KIFC1: variants seen among roughly 807,000 people sequenced by gnomAD.
The protein encoded by KIFC1 is kinesin-like protein KIFC1.
KIFC1 carries 37 observed loss-of-function variants against 66.6 expected under a neutral mutation model. The observed-to-expected ratio is 0.56, with a 90% CI of 0.43 to 0.73. The LOEUF is 0.73. Among genes scored for constraint, KIFC1 ranks in the 30% least tolerant of loss-of-function variants. KIFC1 has a pLI of 0.00. For synonymous variants in KIFC1, 325 were observed against 343.5 expected, an observed-to-expected ratio of 0.95 and a Z score of 0.60; for missense variants, 721 against 859.8, an observed-to-expected ratio of 0.84 and a Z score of 2.02.
In KIFC1 at chr6:33,404,823, CTG is replaced by C. The variant is rs558657542; in HGVS notation, c.757-25_757-24del. 9.4e-5 allele frequency: 147 copies of C among 1,560,286 alleles called. 2 individuals carry two copies. In the South Asian group the frequency reaches 1.7e-3, roughly 18 times the overall value. The stretch of plus-strand genomic sequence containing the variant: ...CTTCTTCTTGGTTGCATCTTACCCT[CTG>C]TGTATGTTGTGTTCTCTTCTGGGCA... On this transcript the variant is annotated intron_variant, in intron 6 of 10. Transcript: ENST00000428849. The surrounding 1 kb of genome is among the most constrained non-coding windows in gnomAD (Gnocchi z 4.0).
Position 33,405,206 on chromosome 6 carries a change from G to C in KIFC1, c.1111G>C (p.Asp371His). 1 of 1,614,198 alleles carries C rather than the reference G, an allele frequency of 6.2e-7. No homozygotes were observed. Among genetic ancestry groups the C allele is most frequent in the Non-Finnish European group, 8.5e-7 (1 of 1,180,044 alleles). The change falls in exon 7 of 11, where the codon GAT becomes CAT. Residue 371 changes from aspartate (D) to histidine (H), a missense_variant. Physicochemically the swap from Asp to His is moderately conservative, Grantham distance 81. Coordinates refer to ENST00000428849, the MANE Select transcript of KIFC1 (RefSeq NM_002263.4). This position sits in a 1 kb window ranked among gnomAD's most constrained non-coding sequence, Gnocchi z 5.4. ...GGCACCAGCTCCCCCAACTCGCCATGATTTTTCCTTTGACCGGGTATTCCC... is the reference window on the plus strand; with the variant it reads ...GGCACCAGCTCCCCCAACTCGCCATCATTTTTCCTTTGACCGGGTATTCCC... ...SGAPAPPTRH[D>H]FSFDRVFPPG...
chr6:33,409,523 C>G, intron 10 of KIFC1, 123 bp from the exon 11 acceptor site: 1 of 966,588 alleles, frequency 1.0e-6, no homozygotes, highest in Non-Finnish European at 1.7e-6. Context: ...CTGAACCAGC[C>G]TTTGGAGGCC....
chr6:33,406,906 A>ACCC lies in KIFC1; in HGVS notation c.1977+32_1977+34dup. 1 of 1,613,728 alleles carries ACCC rather than the reference A, an allele frequency of 6.2e-7. No homozygotes were observed. Among genetic ancestry groups the ACCC allele is most frequent in the Non-Finnish European group, 8.5e-7 (1 of 1,179,846 alleles). ...ATTACCACCCGTCAGCCTTGTCAGG[A>ACCC]CCCGTGGGTGGTTGTAGGCTTCTCC... is the stretch of plus-strand genomic sequence containing the variant. On this transcript the variant is annotated intron_variant, in intron 10 of 10. Coordinates refer to ENST00000428849, the MANE Select transcript of KIFC1 (RefSeq NM_002263.4). The surrounding 1 kb of genome is among the most constrained non-coding windows in gnomAD (Gnocchi z 4.5).
intron 1 of KIFC1, among the ~76,000 whole-genome samples, chr6:33,396,094 T>C (rs1416714979): frequency 6.6e-6 from 1 of 152,202 alleles, no homozygotes; most frequent in African/African-American, 2.4e-5. Context: ...GGGGTTATGA[T>C]AATAAAAACA....
chr6:33,407,340 T>TG (rs1225121122), intron 10 of KIFC1, among the ~76,000 whole-genome samples: 2 of 152,056 alleles, frequency 1.3e-5, no homozygotes, highest in Non-Finnish European at 2.9e-5. Flanking sequence ...ACCTGGGAGG[T>TG]GGAGGCTGCA....
In KIFC1 at chr6:33,400,595, A is replaced by G; in HGVS notation, c.250+2208A>G. 2 of 1,087,556 alleles carry G rather than the reference A, an allele frequency of 1.8e-6. No homozygotes were observed. The highest frequency in any genetic ancestry group is 1.3e-5 in the South Asian group (1 of 75,624). 67.4% of individuals were successfully genotyped at this position (1,087,556 alleles called of 1,614,324 possible). The stretch of plus-strand genomic sequence containing the variant: ...GGTGTCGGATGAACCCAGATTCAGG[A>G]TGACCGAAGAAAGTTGCACCTTGGC... On this transcript the variant is annotated intron_variant, in intron 3 of 10. Transcript: ENST00000428849. This position sits in a 1 kb window ranked among gnomAD's most constrained non-coding sequence, Gnocchi z 4.3.
chr6:33,398,130 G>T lies in KIFC1; in HGVS notation c.114G>T (p.Arg38Ser), dbSNP rs145995335. The change falls in exon 2 of 11, where the codon AGG becomes AGT. Residue 38 changes from arginine to serine, a missense_variant. Transcript: ENST00000428849. ...LPLSGSRLKR[R>S]PDQMEDGLEP... ...TCTCAGGAAGCAGACTCAAGAGGAG[G>T]CCTGACCAGATGGAAGATGGCCTGG... 5 of 1,614,188 alleles carry T rather than the reference G, an allele frequency of 3.1e-6. No homozygotes were observed. Among genetic ancestry groups the T allele is most frequent in the Non-Finnish European group, 4.2e-6 (5 of 1,180,032 alleles).
In KIFC1 at chr6:33,405,143, C is replaced by T. The variant is rs1242695214; in HGVS notation, c.1048C>T (p.Leu350Phe). ...CTCTGATCCTCCAACCCGCCTTAGC[C>T]TCTCCCGGTCTGACGAGCGGCGTGG... The part of the protein sequence containing the change: ...GPSDPPTRLS[L>F]SRSDERRGTL... The change falls in exon 7 of 11, where the codon CTC (leucine) becomes TTC (phenylalanine). Residue 350 changes from leucine to phenylalanine, a missense_variant. By Grantham distance (22) the Leu-to-Phe change is conservative (BLOSUM62 0). Transcript: ENST00000428849. This position sits in a 1 kb window ranked among gnomAD's most constrained non-coding sequence, Gnocchi z 5.4. 5.0e-6 allele frequency: 8 copies of T among 1,614,058 alleles called. No individual in the cohort carries two copies. Among genetic ancestry groups the T allele is most frequent in the South Asian group, 1.1e-5 (1 of 91,096 alleles).
chr6:33,398,338 A>G lies in KIFC1; in HGVS notation c.201A>G (p.Pro67=). 1 of 1,614,116 alleles carries G rather than the reference A, an allele frequency of 6.2e-7. No homozygotes were observed. The highest frequency in any genetic ancestry group is 1.1e-5 in the South Asian group (1 of 91,080). Residue 67 remains proline (P), a synonymous_variant, in exon 3 of 11, where the codon CCA becomes CCG. Coordinates refer to ENST00000428849, the MANE Select transcript of KIFC1 (RefSeq NM_002263.4). The part of the protein sequence containing the change: ...GATTKITTSH[P]RVPSLTTVPQ... ...CGACCAAAATTACCACATCCCACCCAAGAGTTCCATCCCTCACTACAGTGC... is the reference window on the plus strand; with the variant it reads ...CGACCAAAATTACCACATCCCACCCGAGAGTTCCATCCCTCACTACAGTGC...
rs759464097 is a variant in KIFC1, at chr6:33,405,080, C to A, written c.985C>A (p.Pro329Thr). The change falls in exon 7 of 11, where the codon CCT (proline) becomes ACT (threonine). Residue 329 changes from proline to threonine, a missense_variant. Physicochemically the swap from Pro to Thr is conservative, Grantham distance 38. Transcript: ENST00000428849. This position sits in a 1 kb window ranked among gnomAD's most constrained non-coding sequence, Gnocchi z 5.4. ...PVLPGEPTPP[P>T]GLLLFPSGPG... The stretch of plus-strand genomic sequence containing the variant: ...CCTGCCGGGGGAGCCCACTCCACCC[C>A]CTGGCCTCCTCCTGTTTCCCTCTGG... 9 of 1,614,022 alleles carry A rather than the reference C, an allele frequency of 5.6e-6. No individual in the cohort carries two copies. The highest frequency in any genetic ancestry group is 1.1e-5 in the South Asian group (1 of 91,096).
chr6:33,405,567 G>T lies in KIFC1; in HGVS notation c.1472G>T (p.Gly491Val). 1 of 1,579,908 alleles carries T rather than the reference G, an allele frequency of 6.3e-7. No homozygotes were observed. Residue 491 changes from glycine to valine, a missense_variant, in exon 7 of 11, where the codon GGG becomes GTG. Coordinates refer to ENST00000428849, the MANE Select transcript of KIFC1 (RefSeq NM_002263.4). This position sits in a 1 kb window ranked among gnomAD's most constrained non-coding sequence, Gnocchi z 5.4. ...QGGECEIRRA[G>V]PGSEELTVTN... ...GGCGAGTGTGAGATTCGCCGTGCAG[G>T]GCCAGGGAGTGAGGAGCTCACTGTC...
chr6:33,407,429 A>G (rs1035005534), intron 10 of KIFC1, among the ~76,000 whole-genome samples: 1 of 152,032 alleles, frequency 6.6e-6, no homozygotes, highest in Admixed American at 6.6e-5. Context: ...CACACAAAAA[A>G]TCCCTAAGAT....
chr6:33,395,676 A>G (rs1268866475), intron 1 of KIFC1, among the ~76,000 whole-genome samples: 1 of 152,196 alleles, frequency 6.6e-6, no homozygotes, highest in Non-Finnish European at 1.5e-5. Context: ...CATTTTCTGA[A>G]CCGGCATAAA....
At position 33,398,035 on chromosome 6, in the gene KIFC1, C is replaced by A. The variant is rs761304186; in HGVS notation, c.19C>A (p.Pro7Thr). Residue 7 changes from proline to threonine, a missense_variant, in exon 2 of 11, where the codon CCC (proline) becomes ACC (threonine). Transcript: ENST00000428849. MDPQRS[P>T]LLEVKGNIEL... Reference sequence around the variant, plus strand: ...GGGTCTCTTTTCCCAACAGAGGTCCCCCCTATTGGAAGTAAAGGGGAACAT... The same window carrying A: ...GGGTCTCTTTTCCCAACAGAGGTCCACCCTATTGGAAGTAAAGGGGAACAT... The A allele has an allele frequency of 6.2e-7, 1 of 1,613,874 alleles. No homozygotes were observed. The highest frequency in any genetic ancestry group is 1.3e-5 in the African/African-American group (1 of 74,848).
At chr6:33,392,887 T>C (rs1207463634) in intron 1 of KIFC1, among the ~76,000 whole-genome samples, 1 of 152,172 alleles carries the variant, frequency 6.6e-6, no homozygotes, top group East Asian at 1.9e-4. Context: ...TGGTTGTAGG[T>C]ACTTAGGATG....
rs181546969 is a variant in KIFC1, at chr6:33,394,503, G to A, written c.12+2506G>A. 7.1e-4 allele frequency among the ~76,000 whole-genome samples: 108 copies of A among 152,014 alleles called. 2 individuals are homozygous for A. In the East Asian group the frequency reaches 0.015, roughly 22 times the overall value. On this transcript the variant is annotated intron_variant, in intron 1 of 10. Coordinates refer to ENST00000428849, the MANE Select transcript of KIFC1 (RefSeq NM_002263.4). ...TCCAAATGGAGATTTTTTTTGATACGGAGTCTCTCACTCTGTTGCCCAGGC... is the reference window on the plus strand; with the variant it reads ...TCCAAATGGAGATTTTTTTTGATACAGAGTCTCTCACTCTGTTGCCCAGGC...
rs576635826 is a variant in KIFC1, at chr6:33,397,591, C to T, written c.13-438C>T. ...GATTACAGGCATAAGCCACTGCACC[C>T]GGTCCAGGTGAAACATTTCAAACAT... is the stretch of plus-strand genomic sequence containing the variant. On this transcript the variant is annotated intron_variant, in intron 1 of 10. Coordinates refer to ENST00000428849, the MANE Select transcript of KIFC1 (RefSeq NM_002263.4). Among the ~76,000 whole-genome samples, 7 of 152,328 alleles carry T rather than the reference C, an allele frequency of 4.6e-5. No individual in the cohort carries two copies. The East Asian group carries it at 5.8e-4, about 13-fold the overall frequency.
At position 33,404,156 on chromosome 6, in the gene KIFC1, C is replaced by T; in HGVS notation, c.756+27C>T. On this transcript the variant is annotated intron_variant, in intron 6 of 10. Transcript: ENST00000428849. The surrounding 1 kb of genome is among the most constrained non-coding windows in gnomAD (Gnocchi z 4.0). The stretch of plus-strand genomic sequence containing the variant: ...TAAGGGCCAGATTTTCACCAGATGT[C>T]AGCCCCGCTTTCCTGGCAGAGGTCA... The T allele has an allele frequency of 2.5e-6, 4 of 1,580,646 alleles. No homozygotes were observed. Among genetic ancestry groups the T allele is most frequent in the Non-Finnish European group, 3.4e-6 (4 of 1,162,374 alleles).
chr6:33,404,725 T>C lies in KIFC1; in HGVS notation c.757-127T>C. On this transcript the variant is annotated intron_variant, in intron 6 of 10. Coordinates refer to ENST00000428849, the MANE Select transcript of KIFC1 (RefSeq NM_002263.4). The surrounding 1 kb of genome is among the most constrained non-coding windows in gnomAD (Gnocchi z 4.0). ...GATTCCTTATTTTCTCATCTTTCTT[T>C]GTTTACCAGACTTTGAGGTCCTTTT... The C allele has an allele frequency of 1.2e-6, 1 of 805,436 alleles. No individual in the cohort carries two copies. Among genetic ancestry groups the C allele is most frequent in the East Asian group, 2.5e-5 (1 of 39,462 alleles). The allele number at this position is 805,436 out of a possible 1,614,324, so 49.9% of individuals were successfully genotyped here.
Sources: gnomAD v4.1 joint callset for allele counts (sites outside exome capture counted in the v4.1 genomes callset) on GRCh38, gnomAD v4.1.1 for gene constraint, Gnocchi (gnomAD v3.1) non-coding constraint, MANE v1.5 for transcripts, NCBI Gene and HGNC (gene_info 2026-07-23, HGNC 2026-07-21) for gene names.